The following KCNB2 variants were observed in gnomAD, a reference collection of about 807,000 sequenced individuals.
KCNB2 encodes the protein potassium voltage-gated channel subfamily B member 2.
KCNB2 carries 15 observed loss-of-function variants against 61.5 expected under a neutral mutation model. That is an observed-to-expected ratio of 0.24 (90% CI 0.16 to 0.38). The LOEUF is 0.38. KCNB2 is among the 10% of genes least tolerant of loss of function. The probability of loss-of-function intolerance (pLI) is 1.00; values close to 1 mark genes in which losing one functional copy is unlikely to be tolerated. For synonymous variants in KCNB2, 457 were observed against 446.0 expected, an observed-to-expected ratio of 1.02 and a Z score of -0.31; for missense variants, 828 against 1,125.2, an observed-to-expected ratio of 0.74 and a Z score of 3.78.
intron 2 of KCNB2, among the ~76,000 whole-genome samples, chr8:72,890,650 A>G: frequency 6.6e-6 from 1 of 152,168 alleles, no homozygotes; most frequent in East Asian, 1.9e-4. Context: ...AGGGGGCATT[A>G]TTTTATTGAA....
At chr8:72,750,469 T>G (rs1183732483) in intron 2 of KCNB2, 1 of 152,216 alleles carries the variant, frequency 6.6e-6, no homozygotes, top group Non-Finnish European at 1.5e-5. Context: ...TCATCAGCAA[T>G]GTATCCCATT....
At chr8:72,610,669 G>C (rs1261764071) in intron 2 of KCNB2, among the ~76,000 whole-genome samples, 1 of 152,060 alleles carries the variant, frequency 6.6e-6, no homozygotes, top group Non-Finnish European at 1.5e-5. Context: ...TATGATGTAA[G>C]GTTTATTATT....
chr8:72,893,569 T>C (rs1454122337), intron 2 of KCNB2, among the ~76,000 whole-genome samples: 2 of 152,192 alleles, frequency 1.3e-5, no homozygotes, highest in Admixed American at 6.5e-5. Context: ...TCAATCTCCA[T>C]GTATAGTGCT....
intron 2 of KCNB2, among the ~76,000 whole-genome samples, chr8:72,888,349 G>T (rs1281233016): frequency 1.3e-5 from 2 of 152,102 alleles, no homozygotes; most frequent in East Asian, 3.9e-4. Context: ...GGGCTCAAGA[G>T]ATCCACCCAC....
At chr8:72,848,034 CT>C (rs1810028756) in intron 2 of KCNB2, among the ~76,000 whole-genome samples, 1 of 152,196 alleles carries the variant, frequency 6.6e-6, no homozygotes, top group Non-Finnish European at 1.5e-5. Context: ...AAAGCTTTCA[CT>C]TTCTGTTATT....
intron 2 of KCNB2, among the ~76,000 whole-genome samples, chr8:72,691,914 A>G (rs1285739409): frequency 1.3e-5 from 2 of 152,138 alleles, no homozygotes; most frequent in African/African-American, 4.8e-5. Context: ...ATATCACAGT[A>G]TGATTATATC....
At chr8:72,719,048 C>A (rs1416538295) in intron 2 of KCNB2, among the ~76,000 whole-genome samples, 1 of 151,910 alleles carries the variant, frequency 6.6e-6, no homozygotes, top group Non-Finnish European at 1.5e-5. Flanking sequence ...AAGAAAACAT[C>A]TGAAGAGAGG....
chr8:72,686,758 A>G (rs1806859835), intron 2 of KCNB2, among the ~76,000 whole-genome samples: 1 of 152,214 alleles, frequency 6.6e-6, no homozygotes, highest in Non-Finnish European at 1.5e-5. Flanking sequence ...GTAGAATTAC[A>G]TATCCTTGGT....
chr8:72,584,176 G>A (rs1427019808), intron 2 of KCNB2, among the ~76,000 whole-genome samples: 1 of 151,846 alleles, frequency 6.6e-6, no homozygotes, highest in African/African-American at 2.4e-5. Context: ...GGCACAGACA[G>A]ATCTAGATAC....
intron 2 of KCNB2, among the ~76,000 whole-genome samples, chr8:72,761,933 A>G (rs1008967307): frequency 1.3e-5 from 2 of 152,186 alleles, no homozygotes; most frequent in African/African-American, 2.4e-5. Context: ...TATAGACTCT[A>G]TAGTATAGTA....
intron 1 of KCNB2, among the ~76,000 whole-genome samples, chr8:72,556,423 T>C (rs993697859): frequency 2.6e-5 from 4 of 152,054 alleles, no homozygotes; most frequent in Admixed American, 6.6e-5. Context: ...TAAAGTGCCA[T>C]ACACAGATGG....
At chr8:72,902,236 T>C (rs1290755575) in intron 2 of KCNB2, among the ~76,000 whole-genome samples, 1 of 151,900 alleles carries the variant, frequency 6.6e-6, no homozygotes, top group East Asian at 1.9e-4. Context: ...CTAGACTGAA[T>C]GAAGAAGGAA....
At chr8:72,722,988 A>C (rs571670043) in intron 2 of KCNB2, among the ~76,000 whole-genome samples, 1 of 152,328 alleles carries the variant, frequency 6.6e-6, no homozygotes, top group South Asian at 2.1e-4. Context: ...TAAACTGCCC[A>C]AAGTGCTGAG....
At chr8:72,821,597 A>G (rs1317435053) in intron 2 of KCNB2, among the ~76,000 whole-genome samples, 3 of 139,500 alleles carry the variant, frequency 2.2e-5, no homozygotes, top group African/African-American at 8.0e-5. Context: ...GTTTTCTGGT[A>G]TACTCATTCA....
chr8:72,727,795 T>G (rs1206520221), intron 2 of KCNB2, among the ~76,000 whole-genome samples: 1 of 152,160 alleles, frequency 6.6e-6, no homozygotes, highest in Non-Finnish European at 1.5e-5. Context: ...AATGTAACAT[T>G]GAAGATCCTT....
chr8:72,634,028 A>C (rs1805928049), intron 2 of KCNB2, among the ~76,000 whole-genome samples: 1 of 152,124 alleles, frequency 6.6e-6, no homozygotes, highest in Admixed American at 6.6e-5. Context: ...TTTCATGACT[A>C]CTCAAATTAT....
intron 2 of KCNB2, among the ~76,000 whole-genome samples, chr8:72,643,210 G>T (rs1806081857): frequency 6.6e-6 from 1 of 152,244 alleles, no homozygotes; most frequent in South Asian, 2.1e-4. Flanking sequence ...AGAAAGGAAG[G>T]ATGGAAAGAA....
chr8:72,827,925 GCCTCATCCT>G (rs1809624036), intron 2 of KCNB2, among the ~76,000 whole-genome samples: 1 of 151,448 alleles, frequency 6.6e-6, no homozygotes, highest in Admixed American at 6.6e-5. Flanking sequence ...TGATTCTCCT[GCCTCATCCT>G]CCTGAGTAGC....
intron 2 of KCNB2, among the ~76,000 whole-genome samples, chr8:72,924,221 G>GT (rs1316756531): frequency 4.6e-5 from 7 of 152,078 alleles, no homozygotes; most frequent in South Asian, 2.1e-4. Flanking sequence ...CATCTCCAAG[G>GT]TTTTTTTCTA....
Sources: gnomAD v4.1 joint callset for allele counts (sites outside exome capture counted in the v4.1 genomes callset) on GRCh38, gnomAD v4.1.1 for gene constraint, MANE v1.5 for transcripts, NCBI Gene and HGNC (gene_info 2026-07-23, HGNC 2026-07-21) for gene names.